Variants in NPHS2 observed in about 807,000 individuals in gnomAD.
NPHS2 encodes podocin.
In NPHS2, 36 loss-of-function variants were observed where a neutral mutation model predicts 37.1. The ratio of observed to expected loss-of-function variants is 0.97; its 90% CI spans 0.74 to 1.28. The LOEUF (loss-of-function observed/expected upper bound fraction) is 1.28, where lower values mean the gene tolerates loss of function less well. Ranked by LOEUF, NPHS2 falls within the 50% of genes most tolerant of loss-of-function variation. The probability of loss-of-function intolerance (pLI) is 0.00; values close to 1 mark genes in which losing one functional copy is unlikely to be tolerated. For synonymous variants in NPHS2, 196 were observed against 189.3 expected (o/e 1.04, Z -0.29); for missense variants, 447 against 488.1 (o/e 0.92, Z 0.79).
At chr1:179,558,129 T>C (rs1300948662) in intron 4 of NPHS2, among the ~76,000 whole-genome samples, 2 of 152,160 alleles carry the variant, frequency 1.3e-5, no homozygotes, top group Non-Finnish European at 2.9e-5. Context: ...AGTCCAGTGA[T>C]ACTGAATACA....
Position 179,575,701 on chromosome 1 carries a change from C to T in NPHS2, c.164G>A (p.Gly55Glu). The T allele has an allele frequency of 6.4e-7, 1 of 1,572,350 alleles. No individual in the cohort carries two copies. The highest frequency in any genetic ancestry group is 8.6e-7 in the Non-Finnish European group (1 of 1,164,804). ...CGTGGCGGCGGGCGCTCGGGGCTCC[C>T]CCGGGGTCCCCGCCCGTCCGGAGCC... ...PSGSGRAGTPGEPRAPAATVV... is the reference protein window; with the variant it reads ...PSGSGRAGTPEEPRAPAATVV... Residue 55 changes from glycine to glutamate, a missense_variant, in exon 1 of 8, where the codon GGG becomes GAG. Coordinates refer to ENST00000367615, the MANE Select transcript of NPHS2 (RefSeq NM_014625.4).
intron 1 of NPHS2, among the ~76,000 whole-genome samples, chr1:179,566,078 T>C (rs1463676546): frequency 6.6e-6 from 1 of 152,220 alleles, no homozygotes; most frequent in Non-Finnish European, 1.5e-5. Context: ...TTTGGGTATA[T>C]ACCCAGTAAT....
intron 1 of NPHS2, among the ~76,000 whole-genome samples, chr1:179,573,971 A>T (rs1007712575): frequency 6.6e-6 from 1 of 152,152 alleles, no homozygotes; most frequent in Non-Finnish European, 1.5e-5. Context: ...GGTGAGGTGA[A>T]GCGCCTTTTC....
chr1:179,552,564 T>G (rs769979350), intron 7 of NPHS2, 39 bp downstream of exon 7: 23 of 1,547,876 alleles, frequency 1.5e-5, no homozygotes, highest in Non-Finnish European at 1.9e-5. Context: ...GAGCAGGCCT[T>G]CCTAAAGGGC....
intron 4 of NPHS2, among the ~76,000 whole-genome samples, chr1:179,558,172 A>G (rs771926183): frequency 1.6e-4 from 25 of 152,100 alleles, no homozygotes; most frequent in Admixed American, 3.9e-4. Flanking sequence ...ACCACCATCC[A>G]TCTCCATAAC....
chr1:179,552,841 G>A (rs1275888692), intron 6 of NPHS2, 160 bp from the exon 7 acceptor site: 7 of 683,586 alleles, frequency 1.0e-5, no homozygotes, highest in Admixed American at 4.1e-5. Flanking sequence ...TCAAAAGTAG[G>A]CAGATCTCCA....
chr1:179,571,528 G>C (rs371804676), intron 1 of NPHS2, among the ~76,000 whole-genome samples: 15 of 152,332 alleles, frequency 9.8e-5, no homozygotes, highest in African/African-American at 3.4e-4. Flanking sequence ...GGGGGTCAGG[G>C]ACCCACTTGA....
intron 1 of NPHS2, among the ~76,000 whole-genome samples, chr1:179,572,324 T>G (rs1006968156): frequency 2.0e-5 from 3 of 152,220 alleles, no homozygotes; most frequent in Non-Finnish European, 4.4e-5. Flanking sequence ...CATTAAGGTG[T>G]TGATCTCAAT....
rs1309850449 is a variant in NPHS2 at position 179,552,584 on chromosome 1, G to C, written c.873+19C>G. ...GGCCTTCCTAAAGGGCAGTCTGGGT[G>C]GGAGGATGGAGTGCTCACCCGCACT... On this transcript the variant is annotated intron_variant, in intron 7 of 7. Coordinates refer to ENST00000367615, the MANE Select transcript of NPHS2 (RefSeq NM_014625.4). 1.9e-6 allele frequency: 3 copies of C among 1,606,374 alleles called. No individual in the cohort carries two copies. The African/African-American group carries it at 4.0e-5, about 21-fold the overall frequency.
intron 1 of NPHS2, among the ~76,000 whole-genome samples, chr1:179,569,365 C>T (rs879151078): frequency 1.3e-5 from 2 of 151,652 alleles, no homozygotes; most frequent in African/African-American, 2.4e-5. Flanking sequence ...GGATTGCAAC[C>T]CCTGCTTTTT....
chr1:179,574,269 CT>C (rs768105297), intron 1 of NPHS2, among the ~76,000 whole-genome samples: 3 of 152,172 alleles, frequency 2.0e-5, no homozygotes, highest in Non-Finnish European at 2.9e-5. Context: ...TTCAATCAGA[CT>C]GTCTTACTCT....
At chr1:179,574,068 C>T (rs1674666796) in intron 1 of NPHS2, among the ~76,000 whole-genome samples, 1 of 152,116 alleles carries the variant, frequency 6.6e-6, no homozygotes, top group Non-Finnish European at 1.5e-5. Context: ...TCCCCGTGAG[C>T]TTCAGAAACC....
intron 2 of NPHS2, among the ~76,000 whole-genome samples, chr1:179,564,467 G>C (rs891999922): frequency 2.6e-5 from 4 of 152,172 alleles, no homozygotes; most frequent in Admixed American, 1.3e-4. Context: ...GAGTGACATG[G>C]GAGCACCAGG....
chr1:179,564,170 C>T (rs921457803), intron 2 of NPHS2, among the ~76,000 whole-genome samples: 11 of 152,312 alleles, frequency 7.2e-5, no homozygotes, highest in East Asian at 3.9e-4. Context: ...TTTTCTTTCC[C>T]GTTAATCTTT....
intron 6 of NPHS2, 21 bp downstream of exon 6, chr1:179,554,455 G>T (rs770604019): frequency 1.2e-6 from 2 of 1,613,792 alleles, no homozygotes; most frequent in East Asian, 4.5e-5. Context: ...TACAGTTCTT[G>T]CTAGTTAATT....
chr1:179,552,845 A>G (rs1673517578), intron 6 of NPHS2, 164 bp from the exon 7 acceptor site: 2 of 679,878 alleles, frequency 2.9e-6, no homozygotes, highest in South Asian at 1.6e-5. Context: ...AAGTAGGCAG[A>G]TCTCCAAGGT....
chr1:179,551,487 T>G, intron 7 of NPHS2, 36 bp from the exon 8 acceptor site: 1 of 1,611,680 alleles, frequency 6.2e-7, no homozygotes, highest in East Asian at 2.2e-5. Context: ...GTGATTGTTC[T>G]TCATTCCCTG....
intron 3 of NPHS2, among the ~76,000 whole-genome samples, chr1:179,560,876 A>G (rs528442017): frequency 6.6e-6 from 1 of 152,272 alleles, no homozygotes; most frequent in East Asian, 1.9e-4. Flanking sequence ...CTATAACTGA[A>G]GAGCAACTTG....
Position 179,557,051 on chromosome 1 carries a change from C to G in NPHS2, c.714G>C (p.Arg238Ser), listed in dbSNP as rs748812981. The G allele has an allele frequency of 6.2e-7, 1 of 1,613,922 alleles. No individual in the cohort carries two copies. Among genetic ancestry groups the G allele is most frequent in the Non-Finnish European group, 8.5e-7 (1 of 1,179,926 alleles). Residue 238 changes from arginine (R) to serine (S), a missense_variant, in exon 5 of 8, where the codon AGG becomes AGC. Transcript: ENST00000367615. ...HRSLTEILLE[R>S]KSIAQDAKVA... ...CCTTTGCATCTTGGGCGATGCTCTT[C>G]CTCTCTAGAAGAATTTCAGTGAGGG...
Sources: gnomAD v4.1 joint callset for allele counts (sites outside exome capture counted in the v4.1 genomes callset) on GRCh38, gnomAD v4.1.1 for gene constraint, MANE v1.5 for transcripts, NCBI Gene and HGNC (gene_info 2026-07-23, HGNC 2026-07-21) for gene names.